Variants in TRPM8 observed in about 807,000 individuals in gnomAD.
TRPM8 encodes the protein transient receptor potential cation channel subfamily M member 8.
TRPM8 carries 110 observed loss-of-function variants against 133.7 expected under a neutral mutation model. That is an observed-to-expected ratio of 0.82 (90% confidence interval 0.70 to 0.96). The LOEUF is 0.96. TRPM8 is among the 40% of genes least tolerant of loss of function. The pLI is 0.00. For synonymous variants in TRPM8, 535 were observed against 532.3 expected (o/e 1.01, Z -0.07); for missense variants, 1,291 against 1,379.5 (o/e 0.94, Z 1.02).
In TRPM8 at chr2:234,000,189, C is replaced by A. The variant is rs375338965; in HGVS notation, c.3130+3673C>A. Reference sequence around the variant, plus strand: ...GCAGTGGCATGATCTCGGCTCACTGCAACCTCCGCCTCCTGGGTTCAAGTG... The same window carrying A: ...GCAGTGGCATGATCTCGGCTCACTGAAACCTCCGCCTCCTGGGTTCAAGTG... On this transcript the variant is annotated intron_variant, in intron 22 of 25. Coordinates refer to ENST00000324695, the MANE Select transcript of TRPM8 (RefSeq NM_024080.5). Among the ~76,000 whole-genome samples, 12 of 151,832 alleles carry A rather than the reference C, an allele frequency of 7.9e-5. No individual in the cohort carries two copies. The East Asian group carries it at 1.8e-3, about 22-fold the overall frequency.
Position 233,983,212 on chromosome 2 carries a change from A to C in TRPM8, c.2749A>C (p.Ser917Arg). 6.2e-7 allele frequency: 1 copy of C among 1,614,136 alleles called. No individual in the cohort carries two copies. The highest frequency in any genetic ancestry group is 8.5e-7 in the Non-Finnish European group (1 of 1,180,020). The change falls in exon 20 of 26, where the codon AGT becomes CGT. Residue 917 changes from serine (S) to arginine (R), a missense_variant. Physicochemically the swap from Ser to Arg is moderately radical, Grantham distance 110. Transcript: ENST00000324695. ...PYLAMFGQVPSDVDGTTYDFA... is the reference protein window; with the variant it reads ...PYLAMFGQVPRDVDGTTYDFA... ...CCTGGCCATGTTCGGCCAGGTGCCC[A>C]GTGACGTGGATGGTAAGCCTGACTT...
chr2:233,959,325 C>CCTTT (rs1691373373), intron 11 of TRPM8, among the ~76,000 whole-genome samples: 1 of 106,310 alleles, frequency 9.4e-6, no homozygotes, highest in African/African-American at 4.2e-5. Flanking sequence ...CTCGCCCAGC[C>CCTTT]TTTTTTTTTT....
chr2:233,956,692 G>A (rs1167662235), intron 11 of TRPM8, among the ~76,000 whole-genome samples: 3 of 152,180 alleles, frequency 2.0e-5, no homozygotes, highest in Non-Finnish European at 4.4e-5. Flanking sequence ...ATATTAACAT[G>A]CGATCAGTTT....
intron 17 of TRPM8, among the ~76,000 whole-genome samples, chr2:233,975,136 G>A (rs767740584): frequency 3.3e-5 from 5 of 152,166 alleles, no homozygotes; most frequent in African/African-American, 7.2e-5. Flanking sequence ...TCAGAATTGC[G>A]TGGCATGGGA....
intron 21 of TRPM8, among the ~76,000 whole-genome samples, chr2:233,993,510 T>A (rs1445537776): frequency 1.3e-5 from 2 of 152,236 alleles, no homozygotes; most frequent in Non-Finnish European, 1.5e-5. Flanking sequence ...TCAGTGATGC[T>A]GTACCCACCT....
chr2:233,938,827 G>A (rs1690827220), intron 4 of TRPM8, among the ~76,000 whole-genome samples, 171 bp from the exon 5 acceptor site: 1 of 152,044 alleles, frequency 6.6e-6, no homozygotes, highest in Admixed American at 6.5e-5. Flanking sequence ...TCCTCATGGG[G>A]CCTTGGCACG....
intron 24 of TRPM8, chr2:234,013,827 C>T (rs1269909586): frequency 5.3e-5 from 8 of 152,128 alleles, no homozygotes; most frequent in Admixed American, 4.6e-4. Context: ...TTTTAGGAAG[C>T]CGTTAGCACT....
intron 1 of TRPM8, among the ~76,000 whole-genome samples, chr2:233,922,509 C>A (rs1198498230): frequency 2.0e-5 from 3 of 152,206 alleles, no homozygotes; most frequent in African/African-American, 7.2e-5. Flanking sequence ...ACTCTTTCTG[C>A]ATTGAGATAA....
intron 21 of TRPM8, 36 bp from the exon 22 acceptor site, chr2:233,996,290 A>C (rs754327477): frequency 1.2e-6 from 2 of 1,603,052 alleles, no homozygotes; most frequent in Non-Finnish European, 1.7e-6. Context: ...AGGCATGCGC[A>C]ATGCTAAGTC....
intron 12 of TRPM8, among the ~76,000 whole-genome samples, chr2:233,962,849 G>A (rs973167750): frequency 3.3e-5 from 5 of 152,148 alleles, no homozygotes; most frequent in Non-Finnish European, 4.4e-5. Context: ...GTTAGGCATC[G>A]AATCTTTGAA....
intron 9 of TRPM8, among the ~76,000 whole-genome samples, chr2:233,952,192 T>C (rs928619333): frequency 2.0e-5 from 3 of 152,198 alleles, no homozygotes; most frequent in African/African-American, 7.2e-5. Context: ...GGTTCTGAAA[T>C]AGGCACTTCA....
chr2:233,917,642 T>C (rs1691328993), intron 1 of TRPM8, among the ~76,000 whole-genome samples: 1 of 152,224 alleles, frequency 6.6e-6, no homozygotes. Context: ...CTCACTTAGA[T>C]TTATTTAGAA....
chr2:233,967,785 G>A (rs551536554), intron 15 of TRPM8, among the ~76,000 whole-genome samples: 1 of 152,154 alleles, frequency 6.6e-6, no homozygotes, highest in Non-Finnish European at 1.5e-5. Flanking sequence ...AGTAAGGCTG[G>A]TGCTGGAGTC....
intron 24 of TRPM8, chr2:234,013,221 A>T (rs924046667): frequency 2.6e-5 from 4 of 152,142 alleles, no homozygotes; most frequent in Non-Finnish European, 5.9e-5. Context: ...TGTCTGCTAG[A>T]ATTTACCAGT....
chr2:233,981,703 T>C (rs896642670), intron 18 of TRPM8, 71 bp from the exon 19 acceptor site: 47 of 1,494,976 alleles, frequency 3.1e-5, no homozygotes, highest in Non-Finnish European at 4.0e-5. Flanking sequence ...GAAATTGGGT[T>C]ATTTTTAGAA....
chr2:233,990,240 A>G (rs1461342539), intron 21 of TRPM8, among the ~76,000 whole-genome samples: 1 of 152,234 alleles, frequency 6.6e-6, no homozygotes, highest in Non-Finnish European at 1.5e-5. Context: ...ATTTCTGTGT[A>G]GGTGTGTAGC....
chr2:233,938,847 T>C, intron 4 of TRPM8, 151 bp from the exon 5 acceptor site: 1 of 789,496 alleles, frequency 1.3e-6, no homozygotes, highest in Non-Finnish European at 1.9e-6. Flanking sequence ...GGCGCCCGCC[T>C]GGGACCCCCA....
At chr2:233,927,937 TCTC>T (rs1691596380) in intron 2 of TRPM8, among the ~76,000 whole-genome samples, 1 of 60,750 alleles carries the variant, frequency 1.6e-5, no homozygotes, top group Non-Finnish European at 2.7e-5. Flanking sequence ...TCTCTCTCTC[TCTC>T]TCTCTCTCTC....
chr2:233,953,730 G>T, intron 9 of TRPM8, 187 bp from the exon 10 acceptor site: 1 of 451,546 alleles, frequency 2.2e-6, no homozygotes. Flanking sequence ...GGGGCTTTTT[G>T]ATACGTGTAT....
Sources: allele counts gnomAD v4.1 joint callset (sites outside exome capture counted in the v4.1 genomes callset), GRCh38; gene constraint gnomAD v4.1.1; transcripts MANE v1.5; gene names NCBI Gene and HGNC (gene_info 2026-07-23, HGNC 2026-07-21).